Variants in PSD3 observed in about 807,000 individuals in gnomAD.
The protein encoded by PSD3 is PH and SEC7 domain-containing protein 3.
Under a neutral mutation model 105.5 loss-of-function variants are expected in PSD3, and 49 were observed. That is an observed-to-expected ratio of 0.46 (90% CI 0.37 to 0.59). The LOEUF is 0.59. Ranked by LOEUF, PSD3 falls within the 20% of genes least tolerant of loss-of-function variation. The pLI is 0.00. For synonymous variants in PSD3, 557 were observed against 457.8 expected (o/e 1.22, Z -2.77); for missense variants, 1,561 against 1,263.8 (o/e 1.24, Z -3.57).
chr8:18,896,061 C>T lies in PSD3; in HGVS notation c.131-23328G>A, dbSNP rs533432136. ...GCTTCCACATATGGGTGAGAACATG[C>T]GGTATTTATCTTTTTATGCCTGGCT... is the stretch of plus-strand genomic sequence containing the variant. On this transcript the variant is annotated intron_variant, in intron 2 of 15. Coordinates refer to ENST00000327040, the MANE Select transcript of PSD3 (RefSeq NM_015310.4). Among the ~76,000 whole-genome samples the T allele has an allele frequency of 3.3e-5, 5 of 152,260 alleles. No individual in the cohort carries two copies. The South Asian group carries it at 8.3e-4, about 25-fold the overall frequency.
At chr8:18,653,028 G>A (rs754579856) in intron 10 of PSD3, among the ~76,000 whole-genome samples, 4 of 152,164 alleles carry the variant, frequency 2.6e-5, no homozygotes, top group Non-Finnish European at 4.4e-5. Context: ...CAAGATGTAC[G>A]TTGATTGAAC....
intron 14 of PSD3, 35 bp from the exon 15 acceptor site, chr8:18,556,387 A>C: frequency 1.3e-6 from 2 of 1,590,984 alleles, no homozygotes; most frequent in Non-Finnish European, 8.5e-7. Flanking sequence ...AGCGTTCAAA[A>C]AAAAAACAAG....
chr8:18,801,459 T>C (rs1025873330), intron 6 of PSD3, 77 bp from the exon 7 acceptor site: 4 of 764,492 alleles, frequency 5.2e-6, no homozygotes, highest in African/African-American at 3.6e-5. Flanking sequence ...AAAGTCAATT[T>C]ATATAAACCT....
chr8:19,002,247 C>G (rs1414565606), intron 1 of PSD3, among the ~76,000 whole-genome samples: 1 of 151,912 alleles, frequency 6.6e-6, no homozygotes, highest in Non-Finnish European at 1.5e-5. Context: ...TGGAACTTTC[C>G]CAGCCTAAAG....
Position 18,632,752 on chromosome 8 carries a change from G to A in PSD3, c.2271C>T (p.Asn757=), listed in dbSNP as rs79457998. The A allele has an allele frequency of 7.0e-5, 113 of 1,605,890 alleles. No individual in the cohort carries two copies. Among genetic ancestry groups the A allele is most frequent in the East Asian group, 5.8e-4 (26 of 44,780 alleles). ...GACTGATGGTCTTTGGATGTGTTCC[G>A]TTAGCTTTCTCCTCAGTACTTTCTG... ...SPSESTEEKA[N]GTHPKTISRI... is the part of the protein sequence containing the mutation. Residue 757 remains asparagine (N), a synonymous_variant, in exon 11 of 16, where the codon AAC becomes AAT. Transcript: ENST00000327040.
intron 9 of PSD3, among the ~76,000 whole-genome samples, chr8:18,737,083 G>A (rs1405658392): frequency 1.3e-5 from 2 of 152,172 alleles, no homozygotes; most frequent in East Asian, 1.9e-4. Flanking sequence ...CACCTGGGGA[G>A]CATCTGAAAA....
intron 2 of PSD3, among the ~76,000 whole-genome samples, chr8:18,904,624 TAACAA>T (rs895773460): frequency 2.7e-4 from 41 of 152,286 alleles, no homozygotes; most frequent in African/African-American, 9.6e-4. Context: ...TGGAAGTAAA[TAACAA>T]AACAAAATAA....
At chr8:18,557,233 A>G (rs1801136688) in intron 14 of PSD3, among the ~76,000 whole-genome samples, 1 of 152,246 alleles carries the variant, frequency 6.6e-6, no homozygotes, top group Non-Finnish European at 1.5e-5. Flanking sequence ...CACAGGTACA[A>G]TAAGATAAAT....
At chr8:18,634,070 G>C (rs1807084723) in intron 10 of PSD3, among the ~76,000 whole-genome samples, 2 of 152,026 alleles carry the variant, frequency 1.3e-5, no homozygotes. Flanking sequence ...CTTCTTTTGA[G>C]AACAGTCTGC....
At position 18,786,540 on chromosome 8, in the gene PSD3, C is replaced by G. The variant is rs559067316; in HGVS notation, c.2082+12755G>C. Among the ~76,000 whole-genome samples the G allele has an allele frequency of 2.6e-5, 4 of 152,198 alleles. No homozygotes were observed. In the South Asian group the frequency reaches 8.3e-4, roughly 32 times the overall value. ...ATTATCTATGTCAGCACAAAGATACCAATTTGACTCACGTGGACTTTGAAA... is the reference window on the plus strand; with the variant it reads ...ATTATCTATGTCAGCACAAAGATACGAATTTGACTCACGTGGACTTTGAAA... On this transcript the variant is annotated intron_variant, in intron 8 of 15. Transcript: ENST00000327040.
At chr8:18,666,382 A>C (rs1422799702) in intron 9 of PSD3, among the ~76,000 whole-genome samples, 1 of 152,220 alleles carries the variant, frequency 6.6e-6, no homozygotes, top group East Asian at 1.9e-4. Flanking sequence ...GCATACGGAC[A>C]CCAAAAAATT....
intron 4 of PSD3, among the ~76,000 whole-genome samples, chr8:18,833,101 G>A (rs1813809229): frequency 6.6e-6 from 1 of 152,218 alleles, no homozygotes; most frequent in Admixed American, 6.5e-5. Context: ...TTACTTTAAA[G>A]GAGCAATGCA....
rs762070944 is a variant in PSD3, at chr8:18,535,699, C to G, written c.*44G>C. 2.7e-6 allele frequency: 4 copies of G among 1,483,526 alleles called. No homozygotes were observed. The East Asian group carries it at 9.1e-5, about 34-fold the overall frequency. 91.9% of individuals were successfully genotyped at this position (1,483,526 alleles called of 1,614,324 possible). A position where few individuals can be genotyped will look rare whatever the true frequency, so the allele number is the denominator to read the frequency against. The stretch of plus-strand genomic sequence containing the variant: ...GATTACCAGAAAGATCTTGAAAAAC[C>G]CTATTTTGCTCCATGACCAGCACTT... On this transcript the variant is annotated 3_prime_UTR_variant, in exon 16 of 16. Coordinates refer to ENST00000327040, the MANE Select transcript of PSD3 (RefSeq NM_015310.4).
rs751725385 is a variant in PSD3 at position 18,868,038 on chromosome 8, C to T, written c.1270G>A (p.Glu424Lys). The T allele has an allele frequency of 6.2e-7, 1 of 1,612,570 alleles. No individual in the cohort carries two copies. The highest frequency in any genetic ancestry group is 1.3e-5 in the African/African-American group (1 of 74,864). ...CCAGGCCCAAGGATGTCTTCATCTT[C>T]CCCCTTAACGTGCTCCTCTTGTTCG... ...ISEQEEHVKG[E>K]DEDILGPGYT... The change falls in exon 4 of 16, where the codon GAA becomes AAA. Residue 424 changes from glutamate to lysine, a missense_variant. Physicochemically the swap from Glu to Lys is moderately conservative, Grantham distance 56. Transcript: ENST00000327040.
chr8:18,824,969 C>A (rs919149362), intron 4 of PSD3, among the ~76,000 whole-genome samples: 2 of 152,144 alleles, frequency 1.3e-5, no homozygotes, highest in Non-Finnish European at 2.9e-5. Flanking sequence ...GCTCTAGGCT[C>A]TGAAAAATCA....
At chr8:19,034,919 C>T (rs7000613) in intron 1 of PSD3, among the ~76,000 whole-genome samples, 11,133 of 151,950 alleles carry the variant, frequency 0.073, 652 homozygotes, top group East Asian at 0.23. Flanking sequence ...AGACTAACCA[C>T]GAACAGATCC....
chr8:19,006,715 G>A (rs1826698990), intron 1 of PSD3, among the ~76,000 whole-genome samples: 1 of 151,948 alleles, frequency 6.6e-6, no homozygotes, highest in Non-Finnish European at 1.5e-5. Context: ...CTGGACACGG[G>A]CACCTTCACT....
intron 4 of PSD3, among the ~76,000 whole-genome samples, chr8:18,845,751 A>G (rs988872240): frequency 2.6e-5 from 4 of 152,218 alleles, no homozygotes; most frequent in Non-Finnish European, 5.9e-5. Context: ...AGCCAGAACA[A>G]CATAGCAAGA....
At chr8:18,641,545 A>C (rs974966972) in intron 10 of PSD3, among the ~76,000 whole-genome samples, 1 of 152,204 alleles carries the variant, frequency 6.6e-6, no homozygotes, top group Non-Finnish European at 1.5e-5. Flanking sequence ...CTAAATTATA[A>C]TGCAAGAAAT....
Sources: gnomAD v4.1 joint callset for allele counts (sites outside exome capture counted in the v4.1 genomes callset) on GRCh38, gnomAD v4.1.1 for gene constraint, MANE v1.5 for transcripts, NCBI Gene and HGNC (gene_info 2026-07-23, HGNC 2026-07-21) for gene names.